Variants in CACNB2 observed in about 807,000 individuals in gnomAD.
CACNB2 encodes the protein voltage-dependent L-type calcium channel subunit beta-2.
CACNB2 carries 42 observed loss-of-function variants against 73.3 expected under a neutral mutation model. That is an observed-to-expected ratio of 0.57 (90% CI 0.45 to 0.74). The LOEUF is 0.74. Among genes scored for constraint, CACNB2 ranks in the 30% least tolerant of loss-of-function variants. The pLI, the probability that CACNB2 is intolerant of heterozygous loss-of-function variation, is 0.00. For synonymous variants in CACNB2, 348 were observed against 310.3 expected (o/e 1.12, Z -1.28); for missense variants, 940 against 853.0 (o/e 1.10, Z -1.27).
rs900489404 is a variant in CACNB2 at position 18,540,570 on chromosome 10, T to TAATTTCCACCATAAATTATGGTA, written c.*850_*872dup. ...TATACCATCCTTGTAAGTAAGTTTG[T>TAATTTCCACCATAAATTATGGTA]AATTTCCACCATAAATTATGGTAAA... On this transcript the variant is annotated 3_prime_UTR_variant, in exon 14 of 14. Coordinates refer to ENST00000324631, the MANE Select transcript of CACNB2 (RefSeq NM_201596.3). The TAATTTCCACCATAAATTATGGTA allele has an allele frequency of 1.3e-5, 2 of 152,746 alleles. No individual in the cohort carries two copies. The highest frequency in any genetic ancestry group is 3.4e-3 in the Middle Eastern group (1 of 294). 9.5% of individuals were successfully genotyped at this position (152,746 alleles called of 1,614,324 possible).
chr10:18,339,807 T>C (rs1024424115), intron 2 of CACNB2, among the ~76,000 whole-genome samples: 9 of 152,186 alleles, frequency 5.9e-5, no homozygotes, highest in African/African-American at 1.7e-4. Context: ...TGTTTTTTAT[T>C]TTTTCCCCAG....
intron 3 of CACNB2, among the ~76,000 whole-genome samples, chr10:18,445,846 C>G (rs994359273): frequency 6.6e-6 from 1 of 152,194 alleles, no homozygotes; most frequent in African/African-American, 2.4e-5. Flanking sequence ...CCAGCCTGGT[C>G]AACATGGTGA....
At chr10:18,504,658 T>G (rs2050391375) in intron 5 of CACNB2, among the ~76,000 whole-genome samples, 1 of 152,166 alleles carries the variant, frequency 6.6e-6, no homozygotes, top group Non-Finnish European at 1.5e-5. Context: ...TGTGTGCGTG[T>G]GTGTGAGACA....
intron 3 of CACNB2, among the ~76,000 whole-genome samples, chr10:18,444,410 CTG>C (rs1372836125): frequency 6.6e-6 from 1 of 152,178 alleles, no homozygotes; most frequent in Non-Finnish European, 1.5e-5. Context: ...ATTGTATTTT[CTG>C]TTTATTTAAC....
chr10:18,416,443 G>A (rs574691880), intron 3 of CACNB2, among the ~76,000 whole-genome samples: 2 of 152,278 alleles, frequency 1.3e-5, no homozygotes, highest in African/African-American at 4.8e-5. Flanking sequence ...TTGAGACAAA[G>A]TCTCACTCTG....
chr10:18,403,289 T>C (rs2044105070), intron 3 of CACNB2, among the ~76,000 whole-genome samples: 3 of 152,168 alleles, frequency 2.0e-5, no homozygotes, highest in African/African-American at 4.8e-5. Flanking sequence ...ACGTAGAACA[T>C]TGTGAAGTTG....
chr10:18,182,036 A>G (rs1248785508), intron 2 of CACNB2: 2 of 152,212 alleles, frequency 1.3e-5, no homozygotes, highest in Non-Finnish European at 2.9e-5. Flanking sequence ...GGTACCAAAG[A>G]ATAGGTCTGC....
In CACNB2 at chr10:18,402,904, G is replaced by A. The variant is rs542274582; in HGVS notation, c.333+861G>A. 9.2e-5 allele frequency among the ~76,000 whole-genome samples: 14 copies of A among 152,292 alleles called. No homozygotes were observed. The South Asian group carries it at 2.9e-3, about 32-fold the overall frequency. On this transcript the variant is annotated intron_variant, in intron 3 of 13. Transcript: ENST00000324631. The stretch of plus-strand genomic sequence containing the variant: ...TGATCATGCTAGAAATACCAGGATA[G>A]CATTTCTACTGCCTGCCTCATCTCT...
intron 2 of CACNB2, among the ~76,000 whole-genome samples, chr10:18,205,420 G>A (rs1333464516): frequency 1.3e-5 from 2 of 152,182 alleles, no homozygotes; most frequent in Non-Finnish European, 2.9e-5. Flanking sequence ...TATATGCATA[G>A]AGGATGCGCA....
At chr10:18,367,126 A>AT (rs566941454) in intron 2 of CACNB2, among the ~76,000 whole-genome samples, 45 of 152,220 alleles carry the variant, frequency 3.0e-4, no homozygotes, top group African/African-American at 9.9e-4. Flanking sequence ...ATTTTTCATC[A>AT]TTTTTTTAAC....
In CACNB2 at chr10:18,180,657, C is replaced by T. The variant is rs544109877; in HGVS notation, c.213+29682C>T. On this transcript the variant is annotated intron_variant, in intron 2 of 13. Transcript: ENST00000324631. Reference sequence around the variant, plus strand: ...GCACAGAGCAGATGCTGAGAAAATCCTGAAAACTCAGTCAAAGAAATAGAA... The same window carrying T: ...GCACAGAGCAGATGCTGAGAAAATCTTGAAAACTCAGTCAAAGAAATAGAA... Among the ~76,000 whole-genome samples, 3 of 152,132 alleles carry T rather than the reference C, an allele frequency of 2.0e-5. No individual in the cohort carries two copies. In the South Asian group the frequency reaches 6.2e-4, roughly 32 times the overall value.
At chr10:18,260,389 TC>T in intron 2 of CACNB2, 1 of 971,718 alleles carries the variant, frequency 1.0e-6, no homozygotes, top group Non-Finnish European at 1.2e-6. Context: ...CGGATCAAAT[TC>T]GCCTTCCAGA....
In CACNB2 at chr10:18,223,991, A is replaced by ATTT. The variant is rs11310932; in HGVS notation, c.213+73026_213+73028dup. 6.8e-3 allele frequency among the ~76,000 whole-genome samples: 1,006 copies of ATTT among 147,018 alleles called. 16 individuals carry two copies. The highest frequency in any genetic ancestry group is 0.024 in the African/African-American group (945 of 40,078). ...CACTGCATCTTAAACTAAGGGGTCT[A>ATTT]TTTTTTTTTTTTGTCCTGGGAAAAG... On this transcript the variant is annotated intron_variant, in intron 2 of 13. Coordinates refer to ENST00000324631, the MANE Select transcript of CACNB2 (RefSeq NM_201596.3).
At chr10:18,297,416 G>T (rs1179223714) in intron 2 of CACNB2, among the ~76,000 whole-genome samples, 5 of 152,248 alleles carry the variant, frequency 3.3e-5, no homozygotes, top group Non-Finnish European at 7.4e-5. Context: ...TAATAGCCGG[G>T]TGTGGTGGCT....
At position 18,514,361 on chromosome 10, in the gene CACNB2, T is replaced by C. The variant is rs138500829; in HGVS notation, c.796T>C (p.Phe266Leu). Reference protein sequence around the residue: ...PHSKEKRMPFFKKTEHTPPYD... With the variant: ...PHSKEKRMPFLKKTEHTPPYD... ...CTCCAAAGAGAAAAGAATGCCCTTC[T>C]TTAAGAAGGTAACATTAACTTCCAA... is the stretch of plus-strand genomic sequence containing the variant. The change falls in exon 7 of 14, where the codon TTT (phenylalanine) becomes CTT (leucine). Residue 266 changes from phenylalanine (F) to leucine (L), a missense_variant. Transcript: ENST00000324631. 6.2e-7 allele frequency: 1 copy of C among 1,614,152 alleles called. No homozygotes were observed. The highest frequency in any genetic ancestry group is 1.3e-5 in the African/African-American group (1 of 75,054).
At chr10:18,223,385 A>G (rs903977362) in intron 2 of CACNB2, among the ~76,000 whole-genome samples, 2 of 152,230 alleles carry the variant, frequency 1.3e-5, no homozygotes, top group African/African-American at 2.4e-5. Flanking sequence ...GAATGAATAA[A>G]TGAAATTTCA....
intron 2 of CACNB2, among the ~76,000 whole-genome samples, chr10:18,272,639 T>C (rs1321757366): frequency 8.5e-6 from 1 of 117,288 alleles, no homozygotes; most frequent in Non-Finnish European, 1.9e-5. Flanking sequence ...GTTCTCATGA[T>C]AGTGAACAAG....
chr10:18,519,621 C>G (rs1237880706), intron 9 of CACNB2: 1 of 436,888 alleles, frequency 2.3e-6, no homozygotes, highest in Non-Finnish European at 4.6e-6. Flanking sequence ...ATTTCCTGTT[C>G]TAATGGAAAC....
At chr10:18,150,853 G>GTATTTTTTTTTTTTTTTTTTTT in intron 1 of CACNB2, 30 bp from the exon 2 acceptor site, 4 of 655,040 alleles carry the variant, frequency 6.1e-6, no homozygotes, top group South Asian at 2.3e-5. Context: ...AATCTTATTT[G>GTATTTTTTTTTTTTTTTTTTTT]TCTTTTTTTT....
Sources: gnomAD v4.1 joint callset for allele counts (sites outside exome capture counted in the v4.1 genomes callset) on GRCh38, gnomAD v4.1.1 for gene constraint, MANE v1.5 for transcripts, NCBI Gene and HGNC (gene_info 2026-07-23, HGNC 2026-07-21) for gene names.